The following PCDHA4 variants were observed in gnomAD, a reference collection of about 807,000 sequenced individuals.
PCDHA4 encodes protocadherin alpha 4.
Under a neutral mutation model 61.4 loss-of-function variants are expected in PCDHA4, and 49 were observed. That is an observed-to-expected ratio of 0.80 (90% CI 0.63 to 1.01). The LOEUF is 1.01. PCDHA4 is among the 50% of genes least tolerant of loss of function. The pLI, the probability that PCDHA4 is intolerant of heterozygous loss-of-function variation, is 0.00. For synonymous variants in PCDHA4, 590 were observed against 550.3 expected (o/e 1.07, Z -1.01); for missense variants, 1,254 against 1,235.8 (o/e 1.01, Z -0.22).
chr5:140,997,334 C>G (rs2097767888), intron 3 of PCDHA4, among the ~76,000 whole-genome samples: 3 of 152,098 alleles, frequency 2.0e-5, no homozygotes, highest in Admixed American at 2.0e-4. Flanking sequence ...TTTCGTTGTA[C>G]AAATATCATA....
At chr5:140,884,833 C>A in intron 1 of PCDHA4, 2 of 916,632 alleles carry the variant, frequency 2.2e-6, no homozygotes, top group Non-Finnish European at 3.1e-6. Context: ...GTTGGATTAT[C>A]CTTCAGAGTG....
chr5:140,830,263 G>C (rs2150183711), intron 1 of PCDHA4: 3 of 1,613,640 alleles, frequency 1.9e-6, no homozygotes, highest in Non-Finnish European at 2.5e-6. Context: ...TGCGGTGCTC[G>C]GCGCCACCCA....
chr5:140,869,424 G>T (rs2051119407), intron 1 of PCDHA4: 18 of 1,614,216 alleles, frequency 1.1e-5, no homozygotes, highest in Non-Finnish European at 1.5e-5. Context: ...TCCACCTGGA[G>T]GTGATCGTGG....
intron 1 of PCDHA4, among the ~76,000 whole-genome samples, chr5:140,826,827 T>C (rs2150145425): frequency 1.3e-5 from 2 of 152,168 alleles, no homozygotes; most frequent in Non-Finnish European, 2.9e-5. Flanking sequence ...ATTAGGTTAC[T>C]AGAAGTTTCT....
chr5:140,863,416 C>A, intron 1 of PCDHA4: 6 of 719,752 alleles, frequency 8.3e-6, no homozygotes, highest in African/African-American at 1.8e-5. Flanking sequence ...GCTGGTGTAC[C>A]GCAGCGTAGT....
chr5:140,851,095 T>C, intron 1 of PCDHA4: 1 of 1,289,772 alleles, frequency 7.8e-7, no homozygotes, highest in East Asian at 2.7e-5. Context: ...TAAATAGATA[T>C]TTTTTGGGTG....
chr5:140,809,525 A>G lies in PCDHA4; in HGVS notation c.2338A>G (p.Arg780Gly). ...MAFSPSLPDSRDREDQLQTTE... is the reference protein window; with the variant it reads ...MAFSPSLPDSGDREDQLQTTE... ...CTTCAGCCCCAGTTTACCTGACTCT[A>G]GGGACAGAGAAGATCAGCTGCAGAC... Residue 780 changes from arginine to glycine, a missense_variant, in exon 1 of 4, where the codon AGG (arginine) becomes GGG (glycine). Arg to Gly is a moderately radical substitution (Grantham distance 125). Transcript: ENST00000530339. 6.2e-7 allele frequency: 1 copy of G among 1,614,066 alleles called. No homozygotes were observed.
At chr5:140,978,769 T>C in intron 1 of PCDHA4, 180 bp from the exon 2 acceptor site, 1 of 957,338 alleles carries the variant, frequency 1.0e-6, no homozygotes, top group Non-Finnish European at 1.2e-6. Flanking sequence ...CCTGATGAAC[T>C]AATTTTCTTC....
At position 140,807,164 on chromosome 5, in the gene PCDHA4, A is replaced by T; in HGVS notation, c.-24A>T. 6.3e-7 allele frequency: 1 copy of T among 1,595,066 alleles called. No homozygotes were observed. Among genetic ancestry groups the T allele is most frequent in the Non-Finnish European group, 8.5e-7 (1 of 1,170,534 alleles). On this transcript the variant is annotated 5_prime_UTR_variant, in exon 1 of 4. Coordinates refer to ENST00000530339, the MANE Select transcript of PCDHA4 (RefSeq NM_018907.4). ...TGACTTTGAGAAACGATATTTAATC[A>T]GAACAAAATACTGTGCACTAAAGAT...
chr5:140,923,529 A>C lies in PCDHA4; in HGVS notation c.2386-55420A>C, dbSNP rs915297152. Among the ~76,000 whole-genome samples the C allele has an allele frequency of 1.5e-4, 23 of 152,138 alleles. 1 individual carries two copies. The highest frequency in any genetic ancestry group is 1.2e-3 in the Admixed American group (19 of 15,268). On this transcript the variant is annotated intron_variant, in intron 1 of 3. Transcript: ENST00000530339. ...GGATGATGAAGTGAGATTCTGTCCC[A>C]AAAAAAGGACAAAATGAAATATCAG... is the stretch of plus-strand genomic sequence containing the variant.
At chr5:140,851,809 T>TA in intron 1 of PCDHA4, 1 of 948,344 alleles carries the variant, frequency 1.1e-6, no homozygotes, top group Non-Finnish European at 1.3e-6. Flanking sequence ...CAGTAATCCA[T>TA]AAGACAGAAA....
rs185914290 is a variant in PCDHA4, at chr5:140,920,039, G to C, written c.2386-58910G>C. ...AGATGGAGACAGAGATTGGAGTGAT[G>C]TCAACAGCCACCAACACCTGGAAAA... On this transcript the variant is annotated intron_variant, in intron 1 of 3. Transcript: ENST00000530339. Among the ~76,000 whole-genome samples, 5 of 152,280 alleles carry C rather than the reference G, an allele frequency of 3.3e-5. No homozygotes were observed. In the South Asian group the frequency reaches 1.0e-3, roughly 32 times the overall value.
intron 1 of PCDHA4, among the ~76,000 whole-genome samples, chr5:140,954,686 G>T (rs962904413): frequency 6.6e-6 from 1 of 152,024 alleles, no homozygotes; most frequent in African/African-American, 2.4e-5. Context: ...TTGTCAGATG[G>T]ATAGACTACA....
rs1554229126 is a variant in PCDHA4 at position 140,967,062 on chromosome 5, T to C, written c.2386-11887T>C. 3 of 1,612,916 alleles carry C rather than the reference T, an allele frequency of 1.9e-6. No individual in the cohort carries two copies. In the Admixed American group the frequency reaches 5.0e-5, roughly 27 times the overall value. ...GAGCTGGACCTGACGAGTGGAGCGC[T>C]CTTCGTCAACGAGCGCATTGATCGG... On this transcript the variant is annotated intron_variant, in intron 1 of 3. Transcript: ENST00000530339.
chr5:140,899,123 A>T (rs1190536862), intron 1 of PCDHA4, among the ~76,000 whole-genome samples: 6 of 152,240 alleles, frequency 3.9e-5, no homozygotes, highest in Non-Finnish European at 7.3e-5. Flanking sequence ...ATATACAATC[A>T]TGTCTTCTGC....
intron 1 of PCDHA4, among the ~76,000 whole-genome samples, chr5:140,973,451 G>A (rs1317548382): frequency 2.0e-5 from 3 of 152,172 alleles, no homozygotes; most frequent in African/African-American, 7.2e-5. Context: ...TATAATGACT[G>A]GGGCTGTTTT....
At chr5:140,825,048 C>T (rs1460385722) in intron 1 of PCDHA4, 1 of 151,952 alleles carries the variant, frequency 6.6e-6, no homozygotes, top group African/African-American at 2.4e-5. Flanking sequence ...TTCCCTTTCA[C>T]CTCCTTCATG....
rs1554181471 is a variant in PCDHA4, at chr5:140,884,352, A to G, written c.2385+74780A>G. ...GTGGGTCCAGAAGCGGCGCTGGTGG[A>G]TGTCAATGTTTACTTGATCATTGCC... is the stretch of plus-strand genomic sequence containing the variant. On this transcript the variant is annotated intron_variant, in intron 1 of 3. Transcript: ENST00000530339. The G allele has an allele frequency of 2.5e-6, 4 of 1,613,710 alleles. No individual in the cohort carries two copies. The Admixed American group carries it at 5.0e-5, about 20-fold the overall frequency.
chr5:140,849,747 G>A (rs2150448012), intron 1 of PCDHA4: 2 of 1,598,328 alleles, frequency 1.3e-6, no homozygotes, highest in South Asian at 1.1e-5. Flanking sequence ...CCGCGAGAGT[G>A]TGTCCGCCTA....
Sources: allele counts gnomAD v4.1 joint callset (sites outside exome capture counted in the v4.1 genomes callset), GRCh38; gene constraint gnomAD v4.1.1; transcripts MANE v1.5; gene names NCBI Gene and HGNC (gene_info 2026-07-23, HGNC 2026-07-21).